Variants in HYDIN observed in about 807,000 individuals in gnomAD.
HYDIN encodes axonemal central pair apparatus protein HYDIN.
HYDIN carries 132 observed loss-of-function variants against 403.9 expected under a neutral mutation model. The ratio of observed to expected loss-of-function variants is 0.33; its 90% CI spans 0.28 to 0.38. The LOEUF is 0.38. Ranked by LOEUF, HYDIN falls within the 10% of genes least tolerant of loss-of-function variation. HYDIN has a pLI of 1.00. For missense variants in HYDIN, 2,827 were observed against 5,009.5 expected (o/e 0.56, Z 13.15); for synonymous variants, 1,202 against 1,891.7 (o/e 0.64, Z 9.46).
chr16:71,214,363 A>C (rs920168476), intron 1 of HYDIN, among the ~76,000 whole-genome samples: 1 of 152,138 alleles, frequency 6.6e-6, no homozygotes, highest in African/African-American at 2.4e-5. Flanking sequence ...TTTAGTCCTC[A>C]AAAAAACAGA....
chr16:71,046,754 T>C (rs542094180), intron 18 of HYDIN, among the ~76,000 whole-genome samples: 2 of 152,238 alleles, frequency 1.3e-5, no homozygotes, highest in Non-Finnish European at 2.9e-5. Context: ...CTCTATACTA[T>C]GCTACTTAAT....
intron 18 of HYDIN, among the ~76,000 whole-genome samples, chr16:71,032,592 AGT>A: frequency 7.6e-6 from 1 of 130,870 alleles, no homozygotes; most frequent in African/African-American, 2.7e-5. Flanking sequence ...AGAGCGAGAC[AGT>A]GGAGTCTACT....
At chr16:71,182,612 G>A (rs543453150) in intron 3 of HYDIN, among the ~76,000 whole-genome samples, 1 of 152,258 alleles carries the variant, frequency 6.6e-6, no homozygotes, top group Non-Finnish European at 1.5e-5. Context: ...CAGGCTTTTA[G>A]AGATGGAATG....
At position 71,184,296 on chromosome 16, in the gene HYDIN, T is replaced by C. The variant is rs79680447; in HGVS notation, c.261+569A>G. ...TAATTTGTGCATTAAAAGTAAAGGA[T>C]ATAATTTAAGAAATTAATTAAAAAA... On this transcript the variant is annotated intron_variant, in intron 3 of 85. Coordinates refer to ENST00000393567, the MANE Select transcript of HYDIN (RefSeq NM_001270974.2). Among the ~76,000 whole-genome samples the C allele has an allele frequency of 8.5e-3, 1,296 of 152,202 alleles. 18 individuals are homozygous for C. The highest frequency in any genetic ancestry group is 0.03 in the African/African-American group (1,230 of 41,522).
chr16:70,905,454 C>A (rs1408234902), intron 50 of HYDIN, among the ~76,000 whole-genome samples: 1 of 151,430 alleles, frequency 6.6e-6, no homozygotes, highest in Non-Finnish European at 1.5e-5. Flanking sequence ...CCAGCCTGGG[C>A]AACATGGTGA....
In HYDIN at chr16:70,883,982, C is replaced by G; in HGVS notation, c.9917G>C (p.Arg3306Pro). Residue 3306 changes from arginine to proline, a missense_variant, in exon 59 of 86, where the codon CGA becomes CCA. Physicochemically the swap from Arg to Pro is moderately radical, Grantham distance 103. Coordinates refer to ENST00000393567, the MANE Select transcript of HYDIN (RefSeq NM_001270974.2). The stretch of plus-strand genomic sequence containing the variant: ...GCCGGCAGGGTGGACTGCAGGGTCT[C>G]GGCCGGAGATATCGATGGCTATAAA... ...EEFIAIDISG[R>P]DPAVHPAGIL... 1 of 1,614,126 alleles carries G rather than the reference C, an allele frequency of 6.2e-7. No individual in the cohort carries two copies. Among genetic ancestry groups the G allele is most frequent in the Non-Finnish European group, 8.5e-7 (1 of 1,180,036 alleles).
chr16:71,061,861 A>AGT (rs66689823), intron 17 of HYDIN, among the ~76,000 whole-genome samples: 9,028 of 144,010 alleles, frequency 0.063, 553 homozygotes, highest in African/African-American at 0.16. Context: ...CATGTGTGAC[A>AGT]GTGTGTGTGT....
chr16:70,932,641 T>C lies in HYDIN; in HGVS notation c.7158+3311A>G, dbSNP rs1353542689. 2.0e-5 allele frequency among the ~76,000 whole-genome samples: 3 copies of C among 152,356 alleles called. No individual in the cohort carries two copies. In the East Asian group the frequency reaches 5.8e-4, roughly 29 times the overall value. ...TTGTTTTGTTTTTGCTTTTGTCTTA[T>C]TCAATTTTAAATAGAGTGGCCAGGG... On this transcript the variant is annotated intron_variant, in intron 45 of 85. Coordinates refer to ENST00000393567, the MANE Select transcript of HYDIN (RefSeq NM_001270974.2).
chr16:71,196,600 A>AG (rs1437945024), intron 1 of HYDIN, among the ~76,000 whole-genome samples: 2 of 152,176 alleles, frequency 1.3e-5, no homozygotes, highest in African/African-American at 4.8e-5. Context: ...CATGCTGAAT[A>AG]GGGGCTAGGT....
intron 60 of HYDIN, 67 bp downstream of exon 60, chr16:70,882,593 T>A: frequency 1.1e-6 from 1 of 913,020 alleles, no homozygotes; most frequent in Non-Finnish European, 1.8e-6. Flanking sequence ...GAGCAGAGGA[T>A]GCTGAGAGCC....
In HYDIN at chr16:70,941,814, A is replaced by C; in HGVS notation, c.6675T>G (p.Ser2225Arg). 6.6e-7 allele frequency: 1 copy of C among 1,505,130 alleles called. No homozygotes were observed. The highest frequency in any genetic ancestry group is 8.9e-7 in the Non-Finnish European group (1 of 1,125,494). 93.2% of individuals were successfully genotyped at this position (1,505,130 alleles called of 1,614,324 possible). A position where few individuals can be genotyped will look rare whatever the true frequency, so the allele number is the denominator to read the frequency against. The change falls in exon 43 of 86, where the codon AGT (serine) becomes AGG (arginine). Residue 2225 changes from serine (S) to arginine (R), a missense_variant. Physicochemically the swap from Ser to Arg is moderately radical, Grantham distance 110. Transcript: ENST00000393567. ...VQILAERIQL[S>R]DCYRGVVFDG... ...CAAACACCACTCCTCGGTAGCAGTC[A>C]CTCAGCTGAAACCAGAGAGAGCAAA...
intron 80 of HYDIN, 21 bp downstream of exon 80, chr16:70,832,827 C>T: frequency 6.3e-7 from 1 of 1,596,606 alleles, no homozygotes; most frequent in Middle Eastern, 1.7e-4. Flanking sequence ...CACTGGGCCA[C>T]CCCGGGCAGC....
At chr16:71,185,013 C>G in intron 2 of HYDIN, 23 bp from the exon 3 acceptor site, 2 of 1,553,546 alleles carry the variant, frequency 1.3e-6, no homozygotes, top group South Asian at 2.4e-5. Flanking sequence ...ACAATAAGAA[C>G]CAAAGATTCT....
At chr16:71,108,753 A>G (rs945642303) in intron 10 of HYDIN, among the ~76,000 whole-genome samples, 5 of 152,030 alleles carry the variant, frequency 3.3e-5, no homozygotes, top group African/African-American at 1.2e-4. Context: ...AACTAGAAAC[A>G]AAGTCCAACA....
At chr16:71,040,977 T>G (rs896469664) in intron 18 of HYDIN, among the ~76,000 whole-genome samples, 23 of 150,862 alleles carry the variant, frequency 1.5e-4, no homozygotes, top group Non-Finnish European at 3.2e-4. Flanking sequence ...CGCTTCACAT[T>G]ATAACCCAGC....
At chr16:71,145,043 T>A (rs999518339) in intron 7 of HYDIN, among the ~76,000 whole-genome samples, 1 of 151,128 alleles carries the variant, frequency 6.6e-6, no homozygotes, top group Non-Finnish European at 1.5e-5. Context: ...TAGGCAGTTA[T>A]TAGCATTTTT....
chr16:71,075,497 A>C (rs111304988), intron 13 of HYDIN, among the ~76,000 whole-genome samples: 13,783 of 151,782 alleles, frequency 0.091, 1,552 homozygotes, highest in African/African-American at 0.25. Flanking sequence ...GCTCCCTAAC[A>C]TCAAAAATCC....
At chr16:70,918,162 C>T (rs12102859) in intron 47 of HYDIN, 49 bp downstream of exon 47, 1 of 487,728 alleles carries the variant, frequency 2.1e-6, no homozygotes, top group Non-Finnish European at 3.8e-6. Context: ...TCTCTCCCTG[C>T]CTGCTGAAGT....
chr16:70,835,002 A>ATGTGTG, intron 78 of HYDIN, among the ~76,000 whole-genome samples: 1 of 146,610 alleles, frequency 6.8e-6, no homozygotes, highest in South Asian at 2.1e-4. Context: ...ACACACATAT[A>ATGTGTG]TATATACACA....
Sources: allele counts gnomAD v4.1 joint callset (sites outside exome capture counted in the v4.1 genomes callset), GRCh38; gene constraint gnomAD v4.1.1; transcripts MANE v1.5; gene names NCBI Gene and HGNC (gene_info 2026-07-23, HGNC 2026-07-21).